The following UBE3D variants were observed in gnomAD, a reference collection of about 807,000 sequenced individuals.
The protein encoded by UBE3D is E3 ubiquitin-protein ligase E3D.
A neutral mutation model predicts 49.6 loss-of-function variants in UBE3D; 48 were observed. That is an observed-to-expected ratio of 0.97 (90% confidence interval 0.77 to 1.23). UBE3D has a LOEUF of 1.23. UBE3D is among the 50% of genes most tolerant of loss of function. The pLI is 0.00. For missense variants in UBE3D, 452 were observed against 468.4 expected, an observed-to-expected ratio of 0.96 and a Z score of 0.32; for synonymous variants, 189 against 174.2, an observed-to-expected ratio of 1.08 and a Z score of -0.67.
intron 5 of UBE3D, among the ~76,000 whole-genome samples, chr6:83,034,750 T>C (rs927112054): frequency 1.3e-5 from 2 of 152,200 alleles, no homozygotes; most frequent in Admixed American, 1.3e-4. Flanking sequence ...CCCAGCCATA[T>C]AGAACTGTGA....
At chr6:83,021,549 A>C (rs1460795431) in intron 7 of UBE3D, among the ~76,000 whole-genome samples, 2 of 151,730 alleles carry the variant, frequency 1.3e-5, no homozygotes, top group Non-Finnish European at 2.9e-5. Flanking sequence ...GACCCCAAAA[A>C]AGCCATTACA....
At chr6:83,021,392 T>C (rs1781077983) in intron 7 of UBE3D, among the ~76,000 whole-genome samples, 1 of 151,832 alleles carries the variant, frequency 6.6e-6, no homozygotes, top group African/African-American at 2.4e-5. Context: ...GGTTAAGTCA[T>C]AATCATGCCA....
At chr6:83,001,185 GTC>G (rs1213758017) in intron 8 of UBE3D, among the ~76,000 whole-genome samples, 2 of 152,100 alleles carry the variant, frequency 1.3e-5, no homozygotes, top group Non-Finnish European at 2.9e-5. Flanking sequence ...GACCCAGTTG[GTC>G]TCTCTCTGAT....
chr6:83,014,446 ATGCCAATTATGCATTC>A (rs1189848757), intron 8 of UBE3D, among the ~76,000 whole-genome samples: 1 of 152,176 alleles, frequency 6.6e-6, no homozygotes, highest in Non-Finnish European at 1.5e-5. Flanking sequence ...AAGTATGTCT[ATGCCAATTATGCATTC>A]TGGCACTAGG....
chr6:83,016,678 T>C (rs1780721582), intron 8 of UBE3D, among the ~76,000 whole-genome samples: 1 of 151,066 alleles, frequency 6.6e-6, no homozygotes, highest in African/African-American at 2.4e-5. Flanking sequence ...TAAATCTTCA[T>C]ATATAAATAT....
chr6:82,949,736 CA>C (rs1385161507), intron 9 of UBE3D, among the ~76,000 whole-genome samples: 2 of 151,694 alleles, frequency 1.3e-5, no homozygotes, highest in African/African-American at 4.8e-5. Context: ...TCATTTTTTA[CA>C]AAAGTGCCAA....
intron 7 of UBE3D, among the ~76,000 whole-genome samples, chr6:83,020,266 A>T (rs1480270438): frequency 6.6e-6 from 1 of 152,184 alleles, no homozygotes; most frequent in Non-Finnish European, 1.5e-5. Flanking sequence ...CCTATATTTA[A>T]ACTAATAAAA....
intron 8 of UBE3D, among the ~76,000 whole-genome samples, chr6:82,991,943 A>C (rs1022925106): frequency 6.6e-6 from 1 of 152,196 alleles, no homozygotes; most frequent in Non-Finnish European, 1.5e-5. Flanking sequence ...ATTGGCATTA[A>C]TTAGTGTACC....
At chr6:83,029,196 T>C (rs999868244) in intron 5 of UBE3D, among the ~76,000 whole-genome samples, 1 of 152,200 alleles carries the variant, frequency 6.6e-6, no homozygotes, top group African/African-American at 2.4e-5. Flanking sequence ...ATAAATTTTT[T>C]TTCTGACCCT....
chr6:82,967,339 T>C (rs1777018092), intron 8 of UBE3D, among the ~76,000 whole-genome samples: 1 of 152,214 alleles, frequency 6.6e-6, no homozygotes, highest in Non-Finnish European at 1.5e-5. Flanking sequence ...TATGTGTATT[T>C]ACTTCTAGGC....
chr6:83,025,882 T>TAAAAAAAAA (rs70987730), intron 5 of UBE3D, among the ~76,000 whole-genome samples: 2 of 90,340 alleles, frequency 2.2e-5, no homozygotes, highest in African/African-American at 8.7e-5. Flanking sequence ...GACTCCATCT[T>TAAAAAAAAA]AAAAAAAAAA....
chr6:83,013,127 C>T (rs751210744), intron 8 of UBE3D, among the ~76,000 whole-genome samples: 10 of 152,168 alleles, frequency 6.6e-5, no homozygotes, highest in Non-Finnish European at 1.0e-4. Context: ...TATACCACTT[C>T]CATTTGATGA....
intron 8 of UBE3D, among the ~76,000 whole-genome samples, chr6:82,995,488 AAT>A (rs1178635514): frequency 1.6e-5 from 2 of 129,016 alleles, no homozygotes; most frequent in African/African-American, 6.0e-5. Flanking sequence ...TAATACTAAC[AAT>A]CACACACACA....
the UBE3D span, among the ~76,000 whole-genome samples, chr6:82,886,486 C>G: frequency 6.6e-6 from 1 of 152,124 alleles, no homozygotes; most frequent in African/African-American, 2.4e-5. Context: ...AGGACACAGG[C>G]TGGTACTGGT....
chr6:83,035,339 C>T (rs1004286806), intron 5 of UBE3D, among the ~76,000 whole-genome samples: 1 of 152,086 alleles, frequency 6.6e-6, no homozygotes, highest in African/African-American at 2.4e-5. Context: ...TCATCTCTTC[C>T]TAGATTGAAT....
intron 8 of UBE3D, among the ~76,000 whole-genome samples, chr6:82,996,793 G>A (rs1259466096): frequency 1.3e-5 from 2 of 152,126 alleles, no homozygotes; most frequent in Non-Finnish European, 2.9e-5. Context: ...AACTGTCAAG[G>A]TTATGAAAAA....
At chr6:82,931,775 A>G (rs148206478) in intron 9 of UBE3D, among the ~76,000 whole-genome samples, 1 of 152,274 alleles carries the variant, frequency 6.6e-6, no homozygotes, top group African/African-American at 2.4e-5. Context: ...GGCAGAGAAG[A>G]CTTGCCTTAT....
At chr6:83,014,505 T>C (rs540848647) in intron 8 of UBE3D, among the ~76,000 whole-genome samples, 1 of 152,270 alleles carries the variant, frequency 6.6e-6, no homozygotes, top group Non-Finnish European at 1.5e-5. Context: ...AGGGACCCAA[T>C]GGACCCACTG....
At chr6:83,030,365 TAATG>T (rs1369867423) in intron 5 of UBE3D, among the ~76,000 whole-genome samples, 1 of 152,196 alleles carries the variant, frequency 6.6e-6, no homozygotes, top group African/African-American at 2.4e-5. Context: ...GTTCTCATGA[TAATG>T]AATAAGTCTC....
Sources: allele counts gnomAD v4.1 joint callset (sites outside exome capture counted in the v4.1 genomes callset), GRCh38; gene constraint gnomAD v4.1.1; transcripts MANE v1.5; gene names NCBI Gene and HGNC (gene_info 2026-07-23, HGNC 2026-07-21).